Variants in HOOK1 observed in about 807,000 individuals in gnomAD.
HOOK1 encodes protein Hook homolog 1.
In HOOK1, 60 loss-of-function variants were observed where a neutral mutation model predicts 112.8. The observed-to-expected ratio is 0.53, with a 90% CI of 0.43 to 0.66. The LOEUF is 0.66. Among genes scored for constraint, HOOK1 ranks in the 30% least tolerant of loss-of-function variants. The pLI is 0.00. For missense variants in HOOK1, 770 were observed against 856.0 expected (o/e 0.90, Z 1.25); for synonymous variants, 294 against 283.8 (o/e 1.04, Z -0.36).
chr1:59,871,471 G>C (rs571685477), intron 21 of HOOK1, among the ~76,000 whole-genome samples: 46 of 152,266 alleles, frequency 3.0e-4, no homozygotes, highest in Non-Finnish European at 5.7e-4. Context: ...TCTGTGTAAT[G>C]CAAAATTAAA....
chr1:59,857,290 C>T (rs918135048), intron 12 of HOOK1, among the ~76,000 whole-genome samples: 7 of 152,170 alleles, frequency 4.6e-5, no homozygotes, highest in Non-Finnish European at 8.8e-5. Flanking sequence ...CTGGTTTTCA[C>T]AGCTACAGCA....
intron 6 of HOOK1, among the ~76,000 whole-genome samples, chr1:59,836,560 A>T (rs1463400850): frequency 6.6e-6 from 1 of 152,222 alleles, no homozygotes; most frequent in Non-Finnish European, 1.5e-5. Flanking sequence ...TTTAAAAATT[A>T]TTTAATGTGT....
rs372695012 is a variant in HOOK1 at position 59,864,661 on chromosome 1, T to G, written c.1656T>G (p.Ala552=). ...GCAAATTAAAGCAGAAGTTGGAAGC[T>G]CATATGTAAGTAAAACTGATATTTC... ...SSSKLKQKLE[A]HMEKLTEVHE... Residue 552 remains alanine (A), a synonymous_variant, in exon 17 of 22, where the codon GCT becomes GCG. Coordinates refer to ENST00000371208, the MANE Select transcript of HOOK1 (RefSeq NM_015888.6). 415 of 1,539,158 alleles carry G rather than the reference T, an allele frequency of 2.7e-4. No individual in the cohort carries two copies. The highest frequency in any genetic ancestry group is 3.4e-4 in the Non-Finnish European group (385 of 1,117,852).
At position 59,874,681 on chromosome 1, in the gene HOOK1, A is replaced by G. The variant is rs1041297981; in HGVS notation, c.*1716A>G. On this transcript the variant is annotated 3_prime_UTR_variant, in exon 22 of 22. Transcript: ENST00000371208. ...TCAGTAAAACTTTATTTACAAAGAC[A>G]GGCGGTAGGCCAGATTTGGCTTGCA... The G allele has an allele frequency of 2.0e-5, 3 of 152,290 alleles. No individual in the cohort carries two copies. The highest frequency in any genetic ancestry group is 4.4e-5 in the Non-Finnish European group (3 of 68,024). 9.4% of individuals were successfully genotyped at this position (152,290 alleles called of 1,614,324 possible).
intron 21 of HOOK1, among the ~76,000 whole-genome samples, chr1:59,872,405 C>A (rs944130946): frequency 6.6e-6 from 1 of 152,098 alleles, no homozygotes; most frequent in African/African-American, 2.4e-5. Context: ...AACAAATTCC[C>A]AGGGATGCTA....
chr1:59,872,115 T>C (rs1441389037), intron 21 of HOOK1, among the ~76,000 whole-genome samples: 3 of 152,206 alleles, frequency 2.0e-5, no homozygotes, highest in Non-Finnish European at 4.4e-5. Flanking sequence ...GCATCTAATA[T>C]CCATGTACTG....
At chr1:59,862,664 G>C in intron 15 of HOOK1, 120 bp from the exon 16 acceptor site, 1 of 611,758 alleles carries the variant, frequency 1.6e-6, no homozygotes, top group Admixed American at 2.4e-5. Context: ...TAATTATTCC[G>C]CATTTGTCAT....
At position 59,826,395 on chromosome 1, in the gene HOOK1, A is replaced by G. The variant is rs551414557; in HGVS notation, c.150-2385A>G. 3.0e-4 allele frequency among the ~76,000 whole-genome samples: 45 copies of G among 152,254 alleles called. No individual in the cohort carries two copies. The South Asian group carries it at 9.3e-3, about 32-fold the overall frequency. On this transcript the variant is annotated intron_variant, in intron 2 of 21. Coordinates refer to ENST00000371208, the MANE Select transcript of HOOK1 (RefSeq NM_015888.6). ...TTTCTGAGGTTGGAGATCAAGTTTA[A>G]TAGTGGAAAAGGTTGACTGCCATTA...
At chr1:59,857,770 C>G (rs895920402) in intron 12 of HOOK1, among the ~76,000 whole-genome samples, 1 of 152,156 alleles carries the variant, frequency 6.6e-6, no homozygotes, top group African/African-American at 2.4e-5. Context: ...ACGTTCTGTT[C>G]GTAACCTAGA....
At chr1:59,819,972 G>A (rs553682282) in intron 1 of HOOK1, among the ~76,000 whole-genome samples, 2 of 152,220 alleles carry the variant, frequency 1.3e-5, no homozygotes, top group South Asian at 2.1e-4. Flanking sequence ...TGTCATCAGA[G>A]CCATTGCAGG....
At chr1:59,833,867 A>G (rs952043429) in intron 5 of HOOK1, among the ~76,000 whole-genome samples, 1 of 152,196 alleles carries the variant, frequency 6.6e-6, no homozygotes, top group Non-Finnish European at 1.5e-5. Flanking sequence ...TTTACATGTA[A>G]GAACCTTATG....
At position 59,862,791 on chromosome 1, in the gene HOOK1, A is replaced by C; in HGVS notation, c.1540A>C (p.Lys514Gln). 1.2e-6 allele frequency: 2 copies of C among 1,607,294 alleles called. No individual in the cohort carries two copies. Among genetic ancestry groups the C allele is most frequent in the Non-Finnish European group, 1.7e-6 (2 of 1,174,040 alleles). ...TGACCCATCTTACAATAGGCTGAGC[A>C]AAGAGCGTATTAGAGAATTGCAGCA... Reference protein sequence around the residue: ...NELETEQRLSKERIRELQQQI... With the variant: ...NELETEQRLSQERIRELQQQI... Residue 514 changes from lysine (K) to glutamine (Q), a missense_variant, in exon 16 of 22, where the codon AAA (lysine) becomes CAA (glutamine). Physicochemically the swap from Lys to Gln is moderately conservative, Grantham distance 53. Transcript: ENST00000371208.
chr1:59,833,357 C>T, intron 4 of HOOK1, 48 bp from the exon 5 acceptor site: 9 of 1,362,454 alleles, frequency 6.6e-6, no homozygotes, highest in Non-Finnish European at 7.7e-6. Flanking sequence ...GTAGCAAATT[C>T]TTTGCAGCCG....
chr1:59,825,300 A>G (rs1280649893), intron 2 of HOOK1, among the ~76,000 whole-genome samples: 1 of 152,242 alleles, frequency 6.6e-6, no homozygotes, highest in Non-Finnish European at 1.5e-5. Flanking sequence ...CATATCTTCA[A>G]AAGAAAGGCT....
intron 12 of HOOK1, among the ~76,000 whole-genome samples, chr1:59,850,630 G>A (rs916906201): frequency 1.7e-4 from 25 of 151,320 alleles, no homozygotes; most frequent in Admixed American, 6.0e-4. Flanking sequence ...TTACTACATC[G>A]AATTATTTGG....
intron 12 of HOOK1, among the ~76,000 whole-genome samples, chr1:59,858,078 T>C (rs540710263): frequency 1.1e-3 from 161 of 152,366 alleles, no homozygotes; most frequent in Non-Finnish European, 1.6e-3. Flanking sequence ...CAAAGAGTTA[T>C]ATAAGTTGCC....
chr1:59,821,748 T>G, intron 1 of HOOK1, 110 bp from the exon 2 acceptor site: 4 of 709,180 alleles, frequency 5.6e-6, no homozygotes, highest in Non-Finnish European at 9.0e-6. Context: ...AACAGGACCA[T>G]GTTTTTTTTT....
intron 12 of HOOK1, among the ~76,000 whole-genome samples, chr1:59,854,014 ATATATATATATATATATATATATATTTT>A (rs2098408740): frequency 1.3e-4 from 2 of 15,494 alleles, no homozygotes; most frequent in Non-Finnish European, 2.9e-4. Context: ...ATATATATAT[ATATATATATATATATATATATATATTTT>A]TTTTTTTTTT....
intron 12 of HOOK1, among the ~76,000 whole-genome samples, chr1:59,855,984 ATTTTT>A (rs1167413179): frequency 8.0e-4 from 48 of 60,258 alleles, no homozygotes; most frequent in African/African-American, 4.4e-3. Flanking sequence ...ATATATATAT[ATTTTT>A]TTTTTTTTTT....
Sources: gnomAD v4.1 joint callset for allele counts (sites outside exome capture counted in the v4.1 genomes callset) on GRCh38, gnomAD v4.1.1 for gene constraint, MANE v1.5 for transcripts, NCBI Gene and HGNC (gene_info 2026-07-23, HGNC 2026-07-21) for gene names.